Variants in NEK7 observed in about 807,000 individuals in gnomAD.
NEK7 encodes the protein serine/threonine-protein kinase Nek7.
NEK7 carries 18 observed loss-of-function variants against 44.6 expected under a neutral mutation model. That is an observed-to-expected ratio of 0.40 (90% CI 0.28 to 0.60). The LOEUF (loss-of-function observed/expected upper bound fraction) is 0.60, where lower values mean the gene tolerates loss of function less well. Ranked by LOEUF, NEK7 falls within the 20% of genes least tolerant of loss-of-function variation. NEK7 has a pLI of 0.38. For synonymous variants in NEK7, 130 were observed against 121.1 expected (o/e 1.07, Z -0.48); for missense variants, 256 against 366.5 (o/e 0.70, Z 2.46).
At chr1:198,172,123 G>C (rs73075158) in intron 1 of NEK7, among the ~76,000 whole-genome samples, 15,584 of 152,138 alleles carry the variant, frequency 0.1, 1,045 homozygotes, top group East Asian at 0.22. Context: ...AAACAAAAAC[G>C]AGTTAATGAA....
intron 1 of NEK7, among the ~76,000 whole-genome samples, chr1:198,174,780 C>T (rs541294979): frequency 6.6e-6 from 1 of 151,458 alleles, no homozygotes; most frequent in Non-Finnish European, 1.5e-5. Context: ...TGGGGGGGGA[C>T]AGGGTCTTGC....
intron 1 of NEK7, among the ~76,000 whole-genome samples, chr1:198,205,054 C>T (rs922910088): frequency 2.0e-5 from 3 of 152,136 alleles, no homozygotes; most frequent in African/African-American, 7.2e-5. Context: ...CTTCCTTCTT[C>T]TCCTACTTCC....
chr1:198,159,071 G>A (rs919530505), intron 1 of NEK7, among the ~76,000 whole-genome samples: 8 of 152,222 alleles, frequency 5.3e-5, no homozygotes, highest in Non-Finnish European at 1.2e-4. Context: ...GAGCCCGGGA[G>A]CCCGGAGGAC....
chr1:198,166,771 T>C (rs1015778926), intron 1 of NEK7, among the ~76,000 whole-genome samples: 6 of 152,162 alleles, frequency 3.9e-5, no homozygotes, highest in African/African-American at 1.2e-4. Context: ...ATAAAAGATA[T>C]AATAATAGTG....
intron 1 of NEK7, among the ~76,000 whole-genome samples, chr1:198,158,405 C>T (rs73075147): frequency 0.027 from 4,185 of 152,270 alleles, 196 homozygotes; most frequent in African/African-American, 0.095. Context: ...TCTAGTTCCT[C>T]CTCCAAGGAA....
Position 198,278,987 on chromosome 1 carries a change from C to T in NEK7, c.515C>T (p.Thr172Ile). ...IKPANVFITA[T>I]GVVKLGDLGL... is the part of the protein sequence containing the mutation. ...CCAGCTAATGTGTTCATTACAGCCA[C>T]TGGGGTGGTAAAACTTGGAGATCTT... The change falls in exon 7 of 10, where the codon ACT (threonine) becomes ATT (isoleucine). Residue 172 changes from threonine (T) to isoleucine (I), a missense_variant. By Grantham distance (89) the Thr-to-Ile change is moderately conservative. Around this residue, in one of 3 missense-constraint regions of NEK7, gnomAD observed 102 missense variants for 205.2 expected, o/e 0.50. Coordinates refer to ENST00000367385, the MANE Select transcript of NEK7 (RefSeq NM_133494.3). 6.2e-7 allele frequency: 1 copy of T among 1,610,372 alleles called. No individual in the cohort carries two copies.
intron 5 of NEK7, among the ~76,000 whole-genome samples, chr1:198,265,751 G>A (rs946883736): frequency 2.6e-5 from 4 of 152,048 alleles, no homozygotes; most frequent in Non-Finnish European, 5.9e-5. Context: ...ATTGTTTAGT[G>A]TAGATAAAGA....
At chr1:198,175,979 G>T (rs16842500) in intron 1 of NEK7, among the ~76,000 whole-genome samples, 3,743 of 152,274 alleles carry the variant, frequency 0.025, 150 homozygotes, top group African/African-American at 0.085. Context: ...CTCATGCTAT[G>T]TACTCATTAT....
At chr1:198,270,701 T>A (rs1456467518) in intron 5 of NEK7, among the ~76,000 whole-genome samples, 1 of 152,144 alleles carries the variant, frequency 6.6e-6, no homozygotes. Context: ...TCTTTTTCTT[T>A]ATACATACAT....
In NEK7 at chr1:198,266,442, A is replaced by G. The variant is rs138235589; in HGVS notation, c.372+2207A>G. Among the ~76,000 whole-genome samples, 16 of 152,148 alleles carry G rather than the reference A, an allele frequency of 1.1e-4. No homozygotes were observed. The East Asian group carries it at 2.9e-3, about 28-fold the overall frequency. ...GGTGCATGGTTCATGGCTTTTTGGA[A>G]CTCATCATCCAGTGGGAGAAACAGG... On this transcript the variant is annotated intron_variant, in intron 5 of 9. Transcript: ENST00000367385.
At chr1:198,252,191 G>A (rs979990808) in intron 2 of NEK7, among the ~76,000 whole-genome samples, 3 of 152,050 alleles carry the variant, frequency 2.0e-5, no homozygotes. Flanking sequence ...GGTTTTGAGT[G>A]AGTTTCTTAA....
At chr1:198,286,738 A>G (rs968743829) in intron 7 of NEK7, among the ~76,000 whole-genome samples, 1 of 152,124 alleles carries the variant, frequency 6.6e-6, no homozygotes, top group Admixed American at 6.5e-5. Context: ...TTTCTTGTCT[A>G]TTCAGATTAT....
At chr1:198,256,840 T>G (rs974152185) in intron 3 of NEK7, among the ~76,000 whole-genome samples, 1 of 152,188 alleles carries the variant, frequency 6.6e-6, no homozygotes, top group Admixed American at 6.5e-5. Context: ...TTACGTTCTT[T>G]ATGTTGGAAG....
At chr1:198,299,684 C>A (rs1654825559) in intron 9 of NEK7, among the ~76,000 whole-genome samples, 1 of 152,070 alleles carries the variant, frequency 6.6e-6, no homozygotes, top group South Asian at 2.1e-4. Context: ...TGTGTAGCTA[C>A]TGCCAAATTT....
chr1:198,308,939 C>CCATT (rs148585741), intron 9 of NEK7, among the ~76,000 whole-genome samples: 5,336 of 152,146 alleles, frequency 0.035, 173 homozygotes, highest in East Asian at 0.19. Context: ...CAGAAGTTAC[C>CCATT]CATTCATTCT....
At chr1:198,190,448 C>T (rs1461774033) in intron 1 of NEK7, among the ~76,000 whole-genome samples, 2 of 151,962 alleles carry the variant, frequency 1.3e-5, no homozygotes, top group Non-Finnish European at 2.9e-5. Context: ...TAATAAAATG[C>T]ATATTTATTA....
intron 1 of NEK7, among the ~76,000 whole-genome samples, chr1:198,180,652 T>C (rs1664738371): frequency 6.6e-6 from 1 of 152,098 alleles, no homozygotes; most frequent in Non-Finnish European, 1.5e-5. Context: ...TATCATAATC[T>C]TTTAGGGAGG....
chr1:198,278,998 A>C lies in NEK7; in HGVS notation c.526A>C (p.Lys176Gln). 1 of 1,611,118 alleles carries C rather than the reference A, an allele frequency of 6.2e-7. No individual in the cohort carries two copies. The highest frequency in any genetic ancestry group is 8.5e-7 in the Non-Finnish European group (1 of 1,177,922). Residue 176 changes from lysine (K) to glutamine (Q), a missense_variant, in exon 7 of 10, where the codon AAA (lysine) becomes CAA (glutamine). By Grantham distance (53) the Lys-to-Gln change is moderately conservative. Transcript: ENST00000367385. Reference sequence around the variant, plus strand: ...GTTCATTACAGCCACTGGGGTGGTAAAACTTGGAGATCTTGGGCTTGGCCG... The same window carrying C: ...GTTCATTACAGCCACTGGGGTGGTACAACTTGGAGATCTTGGGCTTGGCCG... ...NVFITATGVV[K>Q]LGDLGLGRFF...
intron 2 of NEK7, among the ~76,000 whole-genome samples, chr1:198,236,552 ACATGTCCTTTCCT>A (rs1666549345): frequency 6.6e-6 from 1 of 152,116 alleles, no homozygotes; most frequent in Admixed American, 6.6e-5. Context: ...CAAACCCATA[ACATGTCCTTTCCT>A]CATCCTAGCT....
Sources: gnomAD v4.1 joint callset for allele counts (sites outside exome capture counted in the v4.1 genomes callset) on GRCh38, gnomAD v4.1.1 for gene constraint, gnomAD v4.1.1 regional missense constraint, MANE v1.5 for transcripts, NCBI Gene and HGNC (gene_info 2026-07-23, HGNC 2026-07-21) for gene names.